GANC: variants seen among roughly 807,000 people sequenced by gnomAD.
GANC encodes the protein glucosidase alpha, neutral C, also known as neutral alpha-glucosidase C.
Under a neutral mutation model 124.2 loss-of-function variants are expected in GANC, and 117 were observed. That is an observed-to-expected ratio of 0.94 (90% CI 0.81 to 1.10). GANC has a LOEUF of 1.10. GANC is among the 50% of genes least tolerant of loss of function. The pLI is 0.00. For missense variants in GANC, 1,140 were observed against 1,095.0 expected (o/e 1.04, Z -0.58); for synonymous variants, 377 against 376.8 (o/e 1.00, Z -0.01).
intron 2 of GANC, among the ~76,000 whole-genome samples, chr15:42,276,848 CT>C (rs138065633): frequency 0.036 from 5,545 of 152,052 alleles, 98 homozygotes; most frequent in Non-Finnish European, 0.042. Context: ...TTGCTTTTCT[CT>C]TTTTTTAATC....
At chr15:42,338,680 A>G (rs534843973) in intron 16 of GANC, among the ~76,000 whole-genome samples, 190 bp downstream of exon 16, 10 of 152,316 alleles carry the variant, frequency 6.6e-5, no homozygotes, top group South Asian at 4.1e-4. Context: ...AGCTATTTCT[A>G]TCTGGTCTCT....
chr15:42,296,591 C>T (rs2051894165), intron 5 of GANC, among the ~76,000 whole-genome samples: 1 of 152,092 alleles, frequency 6.6e-6, no homozygotes, highest in East Asian at 1.9e-4. Context: ...CAGGGTTTCA[C>T]CATGTTGGCC....
chr15:42,281,160 G>A (rs146538901), intron 3 of GANC: 2 of 700,130 alleles, frequency 2.9e-6, no homozygotes, highest in East Asian at 5.4e-5. Context: ...AACCACATAG[G>A]GAATCTGCAT....
At chr15:42,299,662 A>T (rs1024252433) in intron 6 of GANC, among the ~76,000 whole-genome samples, 14 of 152,196 alleles carry the variant, frequency 9.2e-5, no homozygotes, top group African/African-American at 3.1e-4. Flanking sequence ...ATCCTAAGCA[A>T]AAAGAACAGA....
chr15:42,326,592 A>G (rs889676026), intron 12 of GANC, among the ~76,000 whole-genome samples, 168 bp downstream of exon 12: 1 of 152,198 alleles, frequency 6.6e-6, no homozygotes, highest in Non-Finnish European at 1.5e-5. Context: ...TATCTTTTAT[A>G]ATACCTGGTA....
At position 42,280,739 on chromosome 15, in the gene GANC, G is replaced by C. The variant is rs536362827; in HGVS notation, c.201+2149G>C. 2.0e-5 allele frequency among the ~76,000 whole-genome samples: 3 copies of C among 152,268 alleles called. 1 individual carries two copies. In the South Asian group the frequency reaches 6.2e-4, roughly 32 times the overall value. On this transcript the variant is annotated intron_variant, in intron 3 of 23. Coordinates refer to ENST00000318010, the MANE Select transcript of GANC (RefSeq NM_198141.3). ...ATATTGAGCACCTGGTCATGAAGAC[G>C]TGCTGAGGTAAAGTAAATGAGGCAA...
intron 19 of GANC, 36 bp downstream of exon 19, chr15:42,343,190 C>T (rs878866162): frequency 4.6e-6 from 7 of 1,533,022 alleles, no homozygotes; most frequent in South Asian, 1.1e-5. Flanking sequence ...TGATATGTCT[C>T]ATATCTCTCA....
At chr15:42,328,169 C>G (rs2052212021) in intron 13 of GANC, among the ~76,000 whole-genome samples, 1 of 152,084 alleles carries the variant, frequency 6.6e-6, no homozygotes, top group African/African-American at 2.4e-5. Flanking sequence ...TGCCCTAAGC[C>G]CAGCTTTTAA....
At chr15:42,282,305 CAGTG>C (rs1303054233) in intron 3 of GANC, among the ~76,000 whole-genome samples, 1 of 151,910 alleles carries the variant, frequency 6.6e-6, no homozygotes, top group African/African-American at 2.4e-5. Flanking sequence ...CTGGGCAACA[CAGTG>C]AGACTCTGTC....
In GANC at chr15:42,280,790, C is replaced by T. The variant is rs16972993; in HGVS notation, c.201+2200C>T. The T allele has an allele frequency of 3.8e-3, 2,338 of 607,336 alleles. 32 individuals carry two copies. Among genetic ancestry groups the T allele is most frequent in the African/African-American group, 0.035 (1,919 of 54,116 alleles). The allele number at this position is 607,336 out of a possible 1,614,324, so 37.6% of individuals were successfully genotyped here. ...AATCACCCGGAATATCAGTGGTGAGCCGAAATGAAAATTCTCAACACAGCG... is the reference window on the plus strand; with the variant it reads ...AATCACCCGGAATATCAGTGGTGAGTCGAAATGAAAATTCTCAACACAGCG... On this transcript the variant is annotated intron_variant, in intron 3 of 23. Transcript: ENST00000318010.
intron 15 of GANC, among the ~76,000 whole-genome samples, chr15:42,336,559 T>C (rs1169865269): frequency 1.3e-5 from 2 of 152,186 alleles, no homozygotes; most frequent in African/African-American, 4.8e-5. Flanking sequence ...ATTACCATTC[T>C]GGACATGGGA....
At chr15:42,345,185 C>T (rs183531993) in intron 19 of GANC, among the ~76,000 whole-genome samples, 2 of 150,804 alleles carry the variant, frequency 1.3e-5, no homozygotes, top group Admixed American at 6.6e-5. Flanking sequence ...TGATAGATAA[C>T]AACCTTATCT....
In GANC at chr15:42,326,263, A is replaced by C. The variant is rs1273783664; in HGVS notation, c.1294-35A>C. On this transcript the variant is annotated intron_variant, in intron 11 of 23. Coordinates refer to ENST00000318010, the MANE Select transcript of GANC (RefSeq NM_198141.3). Reference sequence around the variant, plus strand: ...TACGTGAACATTTGTCTTACATAAAACTGATGAGACCTCCAAACCTTCATG... The same window carrying C: ...TACGTGAACATTTGTCTTACATAAACCTGATGAGACCTCCAAACCTTCATG... 13 of 1,478,876 alleles carry C rather than the reference A, an allele frequency of 8.8e-6. No individual in the cohort carries two copies. The South Asian group carries it at 1.5e-4, about 17-fold the overall frequency. 91.6% of individuals were successfully genotyped at this position (1,478,876 alleles called of 1,614,324 possible). A position where few individuals can be genotyped will look rare whatever the true frequency, so the allele number is the denominator to read the frequency against.
intron 5 of GANC, among the ~76,000 whole-genome samples, chr15:42,297,186 A>G (rs975469295): frequency 1.3e-5 from 2 of 152,058 alleles, no homozygotes; most frequent in Non-Finnish European, 2.9e-5. Flanking sequence ...TTGAAATATT[A>G]TGAGCATGTT....
intron 10 of GANC, among the ~76,000 whole-genome samples, chr15:42,313,470 C>T (rs1199080707): frequency 6.6e-6 from 1 of 152,176 alleles, no homozygotes; most frequent in Non-Finnish European, 1.5e-5. Context: ...AAAATGTTTG[C>T]AGATTGTATA....
intron 6 of GANC, among the ~76,000 whole-genome samples, chr15:42,298,553 G>T (rs1566952416): frequency 6.6e-6 from 1 of 152,148 alleles, no homozygotes; most frequent in Non-Finnish European, 1.5e-5. Flanking sequence ...TAGCAGAGAT[G>T]CATGGTCTTA....
chr15:42,291,157 C>CA (rs567902026), intron 4 of GANC, among the ~76,000 whole-genome samples: 183 of 151,216 alleles, frequency 1.2e-3, no homozygotes, highest in South Asian at 0.012. Flanking sequence ...CTATATAATG[C>CA]AAAAAAAACC....
chr15:42,273,405 A>C lies in GANC; in HGVS notation c.-1077A>C, dbSNP rs778038926. On this transcript the variant is annotated 5_prime_UTR_variant, in exon 1 of 24. Coordinates refer to ENST00000318010, the MANE Select transcript of GANC (RefSeq NM_198141.3). Reference sequence around the variant, plus strand: ...GCCACGCAGCCGCCGCCATCTTCACAGCCGTGGAGTGCCTACCGAAAGCAT... The same window carrying C: ...GCCACGCAGCCGCCGCCATCTTCACCGCCGTGGAGTGCCTACCGAAAGCAT... 2.5e-6 allele frequency: 4 copies of C among 1,613,784 alleles called. No individual in the cohort carries two copies. In the South Asian group the frequency reaches 4.4e-5, roughly 18 times the overall value.
intron 15 of GANC, among the ~76,000 whole-genome samples, chr15:42,334,889 C>T (rs2052272546): frequency 6.6e-6 from 1 of 152,070 alleles, no homozygotes; most frequent in South Asian, 2.1e-4. Context: ...AATTCCTGGA[C>T]ACATATACCC....
Sources: gnomAD v4.1 joint callset for allele counts (sites outside exome capture counted in the v4.1 genomes callset) on GRCh38, gnomAD v4.1.1 for gene constraint, MANE v1.5 for transcripts, NCBI Gene and HGNC (gene_info 2026-07-23, HGNC 2026-07-21) for gene names.